VGLL4: variants seen among roughly 807,000 people sequenced by gnomAD.
The protein encoded by VGLL4 is transcription cofactor vestigial-like protein 4.
In VGLL4, 7 loss-of-function variants were observed where a neutral mutation model predicts 21.0. The ratio of observed to expected loss-of-function variants is 0.33; its 90% CI spans 0.19 to 0.63. VGLL4 has a LOEUF of 0.63. Among genes scored for constraint, VGLL4 ranks in the 20% least tolerant of loss-of-function variants. VGLL4 has a pLI of 0.78. For synonymous variants in VGLL4, 222 were observed against 173.2 expected (o/e 1.28, Z -2.21); for missense variants, 394 against 425.7 (o/e 0.93, Z 0.66).
At chr3:11,618,933 G>A (rs950660007) in intron 1 of VGLL4, among the ~76,000 whole-genome samples, 5 of 152,188 alleles carry the variant, frequency 3.3e-5, no homozygotes, top group South Asian at 2.1e-4. Context: ...ATTACCCAGT[G>A]AGCAAATTTT....
intron 1 of VGLL4, among the ~76,000 whole-genome samples, chr3:11,631,572 T>C (rs114716942): frequency 0.015 from 2,241 of 152,284 alleles, 62 homozygotes; most frequent in African/African-American, 0.051. Context: ...GTCAGGTCAT[T>C]CCTCCTTTAT....
intron 2 of VGLL4, among the ~76,000 whole-genome samples, chr3:11,659,326 C>CTTTTTTTTTTT (rs5846714): frequency 1.4e-4 from 10 of 70,816 alleles, no homozygotes; most frequent in South Asian, 6.3e-4. Context: ...TTTTCTTTTT[C>CTTTTTTTTTTT]TTTTTTTTTT....
rs1002646592 is a variant in VGLL4, at chr3:11,565,312, C to T, written c.273-293G>A. The stretch of plus-strand genomic sequence containing the variant: ...CTGTGTTCACTTCTATAATAATCTC[C>T]ACTCCCTGGGAGCCTGGGGAGCTGG... On this transcript the variant is annotated intron_variant, in intron 2 of 4. Coordinates refer to ENST00000430365, the MANE Select transcript of VGLL4 (RefSeq NM_001128219.3). This position sits in a 1 kb window ranked among gnomAD's most constrained non-coding sequence, Gnocchi z 4.1. 2.0e-5 allele frequency among the ~76,000 whole-genome samples: 3 copies of T among 152,122 alleles called. No individual in the cohort carries two copies. Among genetic ancestry groups the T allele is most frequent in the African/African-American group, 7.2e-5 (3 of 41,418 alleles).
intron 2 of VGLL4, among the ~76,000 whole-genome samples, chr3:11,689,187 T>C (rs1408286931): frequency 6.6e-6 from 1 of 152,132 alleles, no homozygotes; most frequent in African/African-American, 2.4e-5. Context: ...GTGGAGGGTG[T>C]TCCTTTGGCT....
intron 1 of VGLL4, among the ~76,000 whole-genome samples, chr3:11,623,828 C>T (rs962605932): frequency 1.3e-5 from 2 of 151,634 alleles, no homozygotes; most frequent in South Asian, 4.2e-4. Flanking sequence ...GCAGCCTCAA[C>T]CTCCCAGGCT....
Position 11,565,416 on chromosome 3 carries a change from T to C in VGLL4, c.273-397A>G, listed in dbSNP as rs1559861325. Among the ~76,000 whole-genome samples, 1 of 152,252 alleles carries C rather than the reference T, an allele frequency of 6.6e-6. No homozygotes were observed. The highest frequency in any genetic ancestry group is 1.9e-4 in the East Asian group (1 of 5,184). Reference sequence around the variant, plus strand: ...CAACGATCCAGAGTCACTGGCTGCGTCCTACATGCAGGGCCCTATTCAAAG... The same window carrying C: ...CAACGATCCAGAGTCACTGGCTGCGCCCTACATGCAGGGCCCTATTCAAAG... On this transcript the variant is annotated intron_variant, in intron 2 of 4. Coordinates refer to ENST00000430365, the MANE Select transcript of VGLL4 (RefSeq NM_001128219.3). The surrounding 1 kb of genome is among the most constrained non-coding windows in gnomAD (Gnocchi z 4.1).
intron 2 of VGLL4, among the ~76,000 whole-genome samples, chr3:11,578,270 C>T (rs1020516109): frequency 1.3e-5 from 2 of 152,180 alleles, no homozygotes; most frequent in African/African-American, 4.8e-5. Flanking sequence ...AGCTTTGTGA[C>T]CCCATACTGG....
At chr3:11,611,646 T>C (rs1057370252) in intron 1 of VGLL4, 1 of 152,154 alleles carries the variant, frequency 6.6e-6, no homozygotes, top group Non-Finnish European at 1.5e-5. Flanking sequence ...GGGACTGAGA[T>C]GAAAGCAACT....
chr3:11,672,564 T>C (rs2076232620), intron 2 of VGLL4, among the ~76,000 whole-genome samples: 1 of 152,222 alleles, frequency 6.6e-6, no homozygotes, highest in Non-Finnish European at 1.5e-5. Flanking sequence ...GTCAAACTTC[T>C]GCAAGGTAAT....
chr3:11,709,438 A>C (rs1180476012), intron 1 of VGLL4, among the ~76,000 whole-genome samples: 2 of 98,432 alleles, frequency 2.0e-5, no homozygotes, highest in African/African-American at 8.9e-5. Flanking sequence ...CTCCGTCTAA[A>C]AAAAAAAAAA....
At chr3:11,577,022 G>C (rs2074071662) in intron 2 of VGLL4, among the ~76,000 whole-genome samples, 1 of 152,184 alleles carries the variant, frequency 6.6e-6, no homozygotes, top group African/African-American at 2.4e-5. Flanking sequence ...CAAATTCTCA[G>C]GAGAAACCAG....
At chr3:11,570,557 A>G (rs2073735794) in intron 2 of VGLL4, among the ~76,000 whole-genome samples, 1 of 152,228 alleles carries the variant, frequency 6.6e-6, no homozygotes, top group Admixed American at 6.5e-5. Flanking sequence ...AGATGTTCTA[A>G]TAACTGTCCA....
chr3:11,689,035 G>C (rs2076489024), intron 2 of VGLL4, among the ~76,000 whole-genome samples: 2 of 151,980 alleles, frequency 1.3e-5, no homozygotes, highest in Admixed American at 6.6e-5. Context: ...AAAAAAGAGA[G>C]AGAGAGATCA....
intron 2 of VGLL4, among the ~76,000 whole-genome samples, chr3:11,680,811 G>A (rs541396120): frequency 6.6e-6 from 1 of 152,300 alleles, no homozygotes; most frequent in South Asian, 2.1e-4. Context: ...GGCAAGCTGC[G>A]AGCCCTGCAA....
chr3:11,576,032 TA>T (rs2074033894), intron 2 of VGLL4, among the ~76,000 whole-genome samples: 1 of 152,256 alleles, frequency 6.6e-6, no homozygotes, highest in Non-Finnish European at 1.5e-5. Flanking sequence ...CAGAACTGTC[TA>T]CATGTGTTTT....
chr3:11,573,365 AAGAAAGAAAG>A (rs2073927964), intron 2 of VGLL4, among the ~76,000 whole-genome samples: 2 of 139,456 alleles, frequency 1.4e-5, no homozygotes, highest in Admixed American at 1.4e-4. Context: ...GAAAGAAAGA[AAGAAAGAAAG>A]AAAGAAAGAA....
intron 3 of VGLL4, among the ~76,000 whole-genome samples, 164 bp from the exon 4 acceptor site, chr3:11,559,619 CCA>C (rs1051084763): frequency 2.0e-4 from 30 of 152,366 alleles, no homozygotes; most frequent in African/African-American, 6.0e-4. Context: ...CACAGCCAAT[CCA>C]CAGAGTGAGC....
At chr3:11,608,973 T>A (rs927042643) in intron 1 of VGLL4, among the ~76,000 whole-genome samples, 1 of 152,176 alleles carries the variant, frequency 6.6e-6, no homozygotes, top group African/African-American at 2.4e-5. Context: ...GTGATTCTCC[T>A]GCGTCAGCCT....
At chr3:11,626,827 C>T (rs546289293) in intron 1 of VGLL4, among the ~76,000 whole-genome samples, 2 of 152,020 alleles carry the variant, frequency 1.3e-5, no homozygotes, top group African/African-American at 4.8e-5. Flanking sequence ...GTGTCTCAGC[C>T]CTCTAAAGAG....
Sources: allele counts gnomAD v4.1 joint callset (sites outside exome capture counted in the v4.1 genomes callset), GRCh38; gene constraint gnomAD v4.1.1; non-coding constraint Gnocchi (gnomAD v3.1); transcripts MANE v1.5; gene names NCBI Gene and HGNC (gene_info 2026-07-23, HGNC 2026-07-21).